The following CARS2 variants were observed in gnomAD, a reference collection of about 807,000 sequenced individuals.
CARS2 encodes the protein probable cysteine--tRNA ligase, mitochondrial.
Under a neutral mutation model 68.8 loss-of-function variants are expected in CARS2, and 52 were observed. The ratio of observed to expected loss-of-function variants is 0.76; its 90% CI spans 0.61 to 0.95. The LOEUF (loss-of-function observed/expected upper bound fraction) is 0.95, where lower values mean the gene tolerates loss of function less well. Ranked by LOEUF, CARS2 falls within the 40% of genes least tolerant of loss-of-function variation. CARS2 has a pLI of 0.00. For synonymous variants in CARS2, 314 were observed against 303.6 expected (o/e 1.03, Z -0.36); for missense variants, 780 against 754.2 (o/e 1.03, Z -0.40).
intron 3 of CARS2, among the ~76,000 whole-genome samples, chr13:110,693,497 C>T (rs74832042): frequency 2.8e-4 from 42 of 152,174 alleles, no homozygotes; most frequent in Non-Finnish European, 5.3e-4. Context: ...GTAGCTGGGA[C>T]TACAGGTGCC....
In CARS2 at chr13:110,694,018, G is replaced by T. The variant is rs564788064; in HGVS notation, c.394-6000C>A. Among the ~76,000 whole-genome samples, 137 of 151,950 alleles carry T rather than the reference G, an allele frequency of 9.0e-4. No homozygotes were observed. In the Middle Eastern group the frequency reaches 0.02, roughly 23 times the overall value. On this transcript the variant is annotated intron_variant, in intron 3 of 14. Coordinates refer to ENST00000257347, the MANE Select transcript of CARS2 (RefSeq NM_024537.4). ...TGGAGACATATATAATAATTTTTCG[G>T]TTTTTTTGTTTTGTTTTTTATTTTT...
intron 3 of CARS2, among the ~76,000 whole-genome samples, chr13:110,699,024 A>G (rs1167236612): frequency 2.7e-4 from 2 of 7,518 alleles, no homozygotes; most frequent in Admixed American, 1.5e-3. Context: ...AAAAAAAAGA[A>G]AAAAAAACCC....
chr13:110,666,924 G>T (rs536688361), intron 8 of CARS2: 19 of 985,446 alleles, frequency 1.9e-5, no homozygotes, highest in Non-Finnish European at 2.2e-5. Context: ...TCTGAGAGCA[G>T]ACAGCTGGGG....
At chr13:110,663,827 T>C (rs965596118) in intron 8 of CARS2, 32 of 1,142,806 alleles carry the variant, frequency 2.8e-5, no homozygotes, top group Admixed American at 4.8e-5. Context: ...TTTCATCTAT[T>C]TTCTCCTCTC....
chr13:110,692,002 A>AT (rs869168628), intron 3 of CARS2, among the ~76,000 whole-genome samples: 170 of 73,686 alleles, frequency 2.3e-3, no homozygotes, highest in South Asian at 3.6e-3. Flanking sequence ...AAAAAAAAAA[A>AT]AATATATATA....
chr13:110,708,252 G>A (rs1365201378), upstream of CARS2, among the ~76,000 whole-genome samples: 1 of 152,240 alleles, frequency 6.6e-6, no homozygotes, highest in African/African-American at 2.4e-5. Flanking sequence ...GGGATTAATT[G>A]TGCAGGTGGG....
Position 110,659,127 on chromosome 13 carries a change from T to A in CARS2, c.987+4324A>T, listed in dbSNP as rs570007198. Among the ~76,000 whole-genome samples the A allele has an allele frequency of 2.0e-5, 3 of 152,254 alleles. No homozygotes were observed. In the South Asian group the frequency reaches 6.2e-4, roughly 32 times the overall value. On this transcript the variant is annotated intron_variant, in intron 9 of 14. Coordinates refer to ENST00000257347, the MANE Select transcript of CARS2 (RefSeq NM_024537.4). ...CATTATATACAGGTGTCCATGTGCA[T>A]ACATGCTCACACAAATGTGCACATG...
Position 110,704,393 on chromosome 13 carries a change from G to T in CARS2, c.275+1128C>A, listed in dbSNP as rs533347805. On this transcript the variant is annotated intron_variant, in intron 2 of 14. Coordinates refer to ENST00000257347, the MANE Select transcript of CARS2 (RefSeq NM_024537.4). ...ATATGCTTTTGATAATTAAAAGTATGTTAGCCCAAAGTAAAGGGGAAAAAT... is the reference window on the plus strand; with the variant it reads ...ATATGCTTTTGATAATTAAAAGTATTTTAGCCCAAAGTAAAGGGGAAAAAT... Among the ~76,000 whole-genome samples the T allele has an allele frequency of 3.9e-5, 6 of 152,304 alleles. No individual in the cohort carries two copies. In the East Asian group the frequency reaches 1.2e-3, roughly 29 times the overall value.
At chr13:110,692,003 A>AAAAT (rs1555299926) in intron 3 of CARS2, among the ~76,000 whole-genome samples, 18 of 91,578 alleles carry the variant, frequency 2.0e-4, no homozygotes, top group East Asian at 3.1e-4. Flanking sequence ...AAAAAAAAAA[A>AAAAT]ATATATATAT....
intron 1 of CARS2, among the ~76,000 whole-genome samples, chr13:110,711,691 G>A (rs2064029800): frequency 6.6e-6 from 1 of 152,232 alleles, no homozygotes; most frequent in East Asian, 1.9e-4. Flanking sequence ...AGATGAAGGG[G>A]CTTAAAAGTG....
chr13:110,686,146 A>G (rs544257031), intron 5 of CARS2, among the ~76,000 whole-genome samples: 3 of 152,078 alleles, frequency 2.0e-5, no homozygotes, highest in African/African-American at 7.2e-5. Context: ...GAAATTCTTC[A>G]TTGTCTGAGG....
chr13:110,676,974 C>G lies in CARS2; in HGVS notation c.785G>C (p.Ser262Thr), dbSNP rs1282060055. The change falls in exon 7 of 15, where the codon AGT becomes ACT. Residue 262 changes from serine (S) to threonine (T), a missense_variant and splice_region_variant. Physicochemically the swap from Ser to Thr is moderately conservative, Grantham distance 58. Transcript: ENST00000257347. The surrounding 1 kb of genome is among the most constrained non-coding windows in gnomAD (Gnocchi z 4.0). ...CCCCAGGAAGCGGCAGGCACCTTAC[C>G]TAGCGATGGCAGAGCACTCGATGTG... Reference protein sequence around the residue: ...GWHIECSAIASMVFGSQLDIH... With the variant: ...GWHIECSAIATMVFGSQLDIH... The G allele has an allele frequency of 1.5e-5, 24 of 1,556,308 alleles. No individual in the cohort carries two copies. The highest frequency in any genetic ancestry group is 2.1e-5 in the Non-Finnish European group (24 of 1,144,252).
chr13:110,703,162 G>A (rs890131347), intron 2 of CARS2, among the ~76,000 whole-genome samples: 1 of 152,186 alleles, frequency 6.6e-6, no homozygotes, highest in African/African-American at 2.4e-5. Context: ...AAATGGTGGA[G>A]GCTATTTTTC....
At chr13:110,703,973 C>T (rs1594429703) in intron 2 of CARS2, among the ~76,000 whole-genome samples, 1 of 152,248 alleles carries the variant, frequency 6.6e-6, no homozygotes, top group African/African-American at 2.4e-5. Flanking sequence ...TTAATGCCCT[C>T]ATAGAAGAGA....
chr13:110,656,827 T>C (rs953754873), intron 9 of CARS2, among the ~76,000 whole-genome samples: 1 of 151,308 alleles, frequency 6.6e-6, no homozygotes, highest in Non-Finnish European at 1.5e-5. Context: ...GAGCTTGCAG[T>C]GAGCCAAGAT....
At chr13:110,710,452 G>A (rs990953460), upstream of CARS2, among the ~76,000 whole-genome samples, 6 of 145,894 alleles carry the variant, frequency 4.1e-5, no homozygotes, top group Admixed American at 2.2e-4. Flanking sequence ...TTTTCAGTTA[G>A]ACTGGAAATA....
At position 110,665,748 on chromosome 13, in the gene CARS2, A is replaced by G. The variant is rs1414800968; in HGVS notation, c.919+1592T>C. 1.0e-6 allele frequency: 1 copy of G among 985,294 alleles called. No homozygotes were observed. The highest frequency in any genetic ancestry group is 1.2e-6 in the Non-Finnish European group (1 of 829,924). 61.0% of individuals were successfully genotyped at this position (985,294 alleles called of 1,614,324 possible). ...GAGCCCTGAACGAAGTCAACGAGGA[A>G]GTGACTTCGGGGCAATCAGCCTCAT... On this transcript the variant is annotated intron_variant, in intron 8 of 14. Coordinates refer to ENST00000257347, the MANE Select transcript of CARS2 (RefSeq NM_024537.4). The surrounding 1 kb of genome is among the most constrained non-coding windows in gnomAD (Gnocchi z 4.3).
chr13:110,683,389 G>C (rs1377929873), intron 5 of CARS2, among the ~76,000 whole-genome samples: 1 of 152,156 alleles, frequency 6.6e-6, no homozygotes, highest in Non-Finnish European at 1.5e-5. Flanking sequence ...CTTCCCAGTA[G>C]GTGGGGCTAT....
rs981825982 is a variant in CARS2 at position 110,646,944 on chromosome 13, C to A, written c.1193+157G>T. 4 of 859,838 alleles carry A rather than the reference C, an allele frequency of 4.7e-6. No individual in the cohort carries two copies. In the African/African-American group the frequency reaches 6.8e-5, roughly 15 times the overall value. 53.3% of individuals were successfully genotyped at this position (859,838 alleles called of 1,614,324 possible). On this transcript the variant is annotated intron_variant, in intron 11 of 14. Coordinates refer to ENST00000257347, the MANE Select transcript of CARS2 (RefSeq NM_024537.4). ...CCACACCTGCACCTCCTGCCCAGCA[C>A]CCTGTCTCCTGGGGCCTCTCTGGGC...
Sources: allele counts gnomAD v4.1 joint callset (sites outside exome capture counted in the v4.1 genomes callset), GRCh38; gene constraint gnomAD v4.1.1; non-coding constraint Gnocchi (gnomAD v3.1); transcripts MANE v1.5; gene names NCBI Gene and HGNC (gene_info 2026-07-23, HGNC 2026-07-21).